SLC17A8: variants seen among roughly 807,000 people sequenced by gnomAD.
SLC17A8 encodes solute carrier family 17 member 8, also known as vesicular glutamate transporter 3.
SLC17A8 carries 31 observed loss-of-function variants against 58.0 expected under a neutral mutation model. The ratio of observed to expected loss-of-function variants is 0.53; its 90% CI spans 0.40 to 0.72. SLC17A8 has a LOEUF of 0.72. Among genes scored for constraint, SLC17A8 ranks in the 30% least tolerant of loss-of-function variants. SLC17A8 has a pLI of 0.00. For missense variants in SLC17A8, 655 were observed against 727.8 expected (o/e 0.90, Z 1.15); for synonymous variants, 228 against 249.0 (o/e 0.92, Z 0.79).
intron 5 of SLC17A8, among the ~76,000 whole-genome samples, chr12:100,397,815 T>C (rs1250575962): frequency 1.3e-5 from 2 of 151,894 alleles, no homozygotes; most frequent in South Asian, 4.2e-4. Flanking sequence ...CGGTGGCTCA[T>C]GTCTGTGGTC....
chr12:100,372,045 T>A (rs1566387871), intron 1 of SLC17A8, among the ~76,000 whole-genome samples: 1 of 152,194 alleles, frequency 6.6e-6, no homozygotes, highest in Non-Finnish European at 1.5e-5. Context: ...CTTCTTCCAG[T>A]AGAATAGCAA....
intron 2 of SLC17A8, among the ~76,000 whole-genome samples, chr12:100,389,393 A>T (rs183196492): frequency 1.4e-4 from 22 of 152,300 alleles, no homozygotes; most frequent in Admixed American, 1.4e-3. Context: ...TATTGTCCTC[A>T]TTAAGAAATG....
chr12:100,364,532 C>T (rs954002685), intron 1 of SLC17A8, among the ~76,000 whole-genome samples: 7 of 152,188 alleles, frequency 4.6e-5, no homozygotes, highest in African/African-American at 1.7e-4. Context: ...GTGCACTGCT[C>T]TAGCACTGGG....
At chr12:100,394,803 G>GTATATATAATATATACATATATAGTA (rs1566397389) in intron 4 of SLC17A8, among the ~76,000 whole-genome samples, 8 of 145,184 alleles carry the variant, frequency 5.5e-5, no homozygotes, top group African/African-American at 7.6e-5. Context: ...GTGTATATAT[G>GTATATATAATATATACATATATAGTA]TATATATAAT....
At position 100,370,106 on chromosome 12, in the gene SLC17A8, T is replaced by A. The variant is rs536472298; in HGVS notation, c.102-10595T>A. Among the ~76,000 whole-genome samples the A allele has an allele frequency of 1.6e-3, 250 of 152,144 alleles. 1 individual carries two copies. The highest frequency in any genetic ancestry group is 2.6e-3 in the Non-Finnish European group (178 of 67,990). The stretch of plus-strand genomic sequence containing the variant: ...GCTATCTCCTGATATTTATTTATTT[T>A]TTTATTTATTTAATACAATTTTTAA... On this transcript the variant is annotated intron_variant, in intron 1 of 11. Coordinates refer to ENST00000323346, the MANE Select transcript of SLC17A8 (RefSeq NM_139319.3).
intron 4 of SLC17A8, among the ~76,000 whole-genome samples, chr12:100,394,524 C>T (rs886375496): frequency 1.3e-4 from 19 of 150,516 alleles, no homozygotes; most frequent in Non-Finnish European, 2.4e-4. Context: ...GCCTCAGCCT[C>T]CTGAGTAGCT....
At chr12:100,377,385 C>A (rs946907751) in intron 1 of SLC17A8, among the ~76,000 whole-genome samples, 5 of 151,782 alleles carry the variant, frequency 3.3e-5, no homozygotes, top group Non-Finnish European at 7.4e-5. Context: ...AAGAACAACC[C>A]TATGAAGAAG....
rs893464276 is a variant in SLC17A8, at chr12:100,418,294, T to G, written c.1425+138T>G. On this transcript the variant is annotated intron_variant, in intron 11 of 11. Transcript: ENST00000323346. Reference sequence around the variant, plus strand: ...GACTGAGTCAGCTGAACTTCTTTTTTTTTTCTTCCTTCTTCTGATTTTCAA... The same window carrying G: ...GACTGAGTCAGCTGAACTTCTTTTTGTTTTCTTCCTTCTTCTGATTTTCAA... The G allele has an allele frequency of 8.6e-6, 9 of 1,042,694 alleles. No homozygotes were observed. The African/African-American group carries it at 1.3e-4, about 15-fold the overall frequency. The allele number at this position is 1,042,694 out of a possible 1,614,324, so 64.6% of individuals were successfully genotyped here. A position where few individuals can be genotyped will look rare whatever the true frequency, so the allele number is the denominator to read the frequency against.
At chr12:100,397,356 A>G (rs1441042100) in intron 5 of SLC17A8, among the ~76,000 whole-genome samples, 1 of 152,210 alleles carries the variant, frequency 6.6e-6, no homozygotes, top group Non-Finnish European at 1.5e-5. Flanking sequence ...ACACATTGTC[A>G]TATAGAAATG....
In SLC17A8 at chr12:100,375,510, T is replaced by C. The variant is rs552434341; in HGVS notation, c.102-5191T>C. ...GCAGGAAAGAACGGCCTCACATCCC[T>C]GCGGTGCTCAGTTCTTGGCAGAATA... is the stretch of plus-strand genomic sequence containing the variant. On this transcript the variant is annotated intron_variant, in intron 1 of 11. Coordinates refer to ENST00000323346, the MANE Select transcript of SLC17A8 (RefSeq NM_139319.3). Among the ~76,000 whole-genome samples, 323 of 152,324 alleles carry C rather than the reference T, an allele frequency of 2.1e-3. 5 individuals carry two copies. In the South Asian group the frequency reaches 0.03, roughly 14 times the overall value.
chr12:100,406,559 A>G (rs1329371193), intron 9 of SLC17A8, among the ~76,000 whole-genome samples: 1 of 150,460 alleles, frequency 6.6e-6, no homozygotes, highest in Non-Finnish European at 1.5e-5. Context: ...TTTTTGAGAC[A>G]GAGTCTCGCT....
intron 10 of SLC17A8, among the ~76,000 whole-genome samples, chr12:100,417,523 A>G (rs1198081031): frequency 6.6e-6 from 1 of 152,222 alleles, no homozygotes; most frequent in Admixed American, 6.5e-5. Context: ...GGTTCTCCCA[A>G]TGTTTGTGCA....
At chr12:100,380,410 C>T (rs919383408) in intron 1 of SLC17A8, among the ~76,000 whole-genome samples, 1 of 151,778 alleles carries the variant, frequency 6.6e-6, no homozygotes, top group South Asian at 2.1e-4. Flanking sequence ...CACTGTCTAC[C>T]TCATGGGGTT....
At chr12:100,371,175 G>A (rs1242090600) in intron 1 of SLC17A8, among the ~76,000 whole-genome samples, 2 of 152,126 alleles carry the variant, frequency 1.3e-5, no homozygotes, top group African/African-American at 2.4e-5. Context: ...TCAAGTGCCA[G>A]GAATTATGCT....
At chr12:100,417,171 G>C (rs990381595) in intron 10 of SLC17A8, among the ~76,000 whole-genome samples, 2 of 152,228 alleles carry the variant, frequency 1.3e-5, no homozygotes, top group Non-Finnish European at 2.9e-5. Flanking sequence ...CTCCCAAAGT[G>C]CTGAGATTAT....
At chr12:100,378,160 G>A (rs1952607916) in intron 1 of SLC17A8, among the ~76,000 whole-genome samples, 2 of 152,070 alleles carry the variant, frequency 1.3e-5, no homozygotes, top group South Asian at 2.1e-4. Flanking sequence ...TGGAGTCCTA[G>A]GCATTCTAGT....
rs1038385448 is a variant in SLC17A8 at position 100,357,373 on chromosome 12, G to T, written c.-19G>T. 2 of 1,353,248 alleles carry T rather than the reference G, an allele frequency of 1.5e-6. No individual in the cohort carries two copies. Among genetic ancestry groups the T allele is most frequent in the Admixed American group, 1.7e-5 (1 of 59,690 alleles). The allele number at this position is 1,353,248 out of a possible 1,614,324, so 83.8% of individuals were successfully genotyped here. ...TTTGAGACTGACTGTTAACGGCTCAGAGGTGCCCCTCATTCAAAATGCCTT... is the reference window on the plus strand; with the variant it reads ...TTTGAGACTGACTGTTAACGGCTCATAGGTGCCCCTCATTCAAAATGCCTT... On this transcript the variant is annotated 5_prime_UTR_variant, in exon 1 of 12. Coordinates refer to ENST00000323346, the MANE Select transcript of SLC17A8 (RefSeq NM_139319.3).
intron 10 of SLC17A8, among the ~76,000 whole-genome samples, chr12:100,414,934 AC>A (rs1306024037): frequency 1.3e-5 from 2 of 152,206 alleles, no homozygotes; most frequent in African/African-American, 4.8e-5. Flanking sequence ...AGGGCAGTCC[AC>A]ACTTTGAGTA....
At chr12:100,380,592 C>G in intron 1 of SLC17A8, 109 bp from the exon 2 acceptor site, 16 of 1,132,614 alleles carry the variant, frequency 1.4e-5, no homozygotes, top group Non-Finnish European at 2.1e-5. Context: ...TACTATGGGT[C>G]TTCCTTTTTG....
Sources: gnomAD v4.1 joint callset for allele counts (sites outside exome capture counted in the v4.1 genomes callset) on GRCh38, gnomAD v4.1.1 for gene constraint, MANE v1.5 for transcripts, NCBI Gene and HGNC (gene_info 2026-07-23, HGNC 2026-07-21) for gene names.